Variants in PLB1 observed in about 807,000 individuals in gnomAD.
The protein encoded by PLB1 is phospholipase B1.
In PLB1, 242 loss-of-function variants were observed where a neutral mutation model predicts 227.4. The observed-to-expected ratio is 1.06, with a 90% confidence interval of 0.96 to 1.18. The LOEUF is 1.18. PLB1 is among the 50% of genes most tolerant of loss of function. The probability of loss-of-function intolerance (pLI) is 0.00; values close to 1 mark genes in which losing one functional copy is unlikely to be tolerated. For missense variants in PLB1, 1,858 were observed against 1,816.3 expected, an observed-to-expected ratio of 1.02 and a Z score of -0.42; for synonymous variants, 757 against 682.2, an observed-to-expected ratio of 1.11 and a Z score of -1.71.
chr2:28,582,544 T>C lies in PLB1; in HGVS notation c.1733+39T>C, dbSNP rs771908164. On this transcript the variant is annotated intron_variant, in intron 25 of 57. Transcript: ENST00000327757. ...TTCTCCCCGATTCTACTAAGAATCCTCACTGCTAAGGGCAGTGGCACCCTT... is the reference window on the plus strand; with the variant it reads ...TTCTCCCCGATTCTACTAAGAATCCCCACTGCTAAGGGCAGTGGCACCCTT... The C allele has an allele frequency of 6.8e-6, 10 of 1,470,816 alleles. No individual in the cohort carries two copies. In the African/African-American group the frequency reaches 1.1e-4, roughly 16 times the overall value. 91.1% of individuals were successfully genotyped at this position (1,470,816 alleles called of 1,614,324 possible). A position where few individuals can be genotyped will look rare whatever the true frequency, so the allele number is the denominator to read the frequency against.
chr2:28,573,580 T>C (rs1055979454), intron 21 of PLB1, among the ~76,000 whole-genome samples: 3 of 152,202 alleles, frequency 2.0e-5, no homozygotes, highest in East Asian at 1.9e-4. Context: ...ACTTAAGACA[T>C]AGGTTATAAG....
At chr2:28,572,993 A>G (rs907669427) in intron 20 of PLB1, among the ~76,000 whole-genome samples, 9 of 152,218 alleles carry the variant, frequency 5.9e-5, no homozygotes, top group African/African-American at 1.9e-4. Flanking sequence ...TTCTTCAACA[A>G]TAATTGAAAC....
At chr2:28,640,479 C>G (rs1689842870) in intron 56 of PLB1, among the ~76,000 whole-genome samples, 1 of 152,152 alleles carries the variant, frequency 6.6e-6, no homozygotes, top group Non-Finnish European at 1.5e-5. Flanking sequence ...AATATGTTTC[C>G]AAACTTTCCT....
chr2:28,512,154 C>T (rs1668357655), intron 1 of PLB1, among the ~76,000 whole-genome samples: 1 of 143,822 alleles, frequency 7.0e-6, no homozygotes, highest in South Asian at 2.2e-4. Context: ...TGACACTGTC[C>T]ACAGATCTCT....
At chr2:28,573,873 C>T (rs1678443133) in intron 21 of PLB1, among the ~76,000 whole-genome samples, 1 of 152,348 alleles carries the variant, frequency 6.6e-6, no homozygotes, top group East Asian at 1.9e-4. Context: ...TTCTGGTGAG[C>T]TGTAAATAGT....
intron 33 of PLB1, chr2:28,595,284 A>C (rs1464708182): frequency 2.6e-5 from 4 of 152,124 alleles, no homozygotes; most frequent in Non-Finnish European, 4.4e-5. Context: ...GTCCCTTTAA[A>C]CCCTTCATTT....
chr2:28,598,182 G>A, intron 34 of PLB1, 134 bp downstream of exon 34: 1 of 754,044 alleles, frequency 1.3e-6, no homozygotes, highest in Non-Finnish European at 2.2e-6. Context: ...GAGACAGGAG[G>A]CTATGAAAAA....
chr2:28,576,866 C>T (rs2148261761), intron 21 of PLB1, among the ~76,000 whole-genome samples: 1 of 152,284 alleles, frequency 6.6e-6, no homozygotes, highest in Non-Finnish European at 1.5e-5. Flanking sequence ...CCCGAAGTTC[C>T]CATCCAGGTA....
At chr2:28,609,804 T>C (rs1457846643) in intron 43 of PLB1, among the ~76,000 whole-genome samples, 2 of 152,210 alleles carry the variant, frequency 1.3e-5, no homozygotes, top group Non-Finnish European at 2.9e-5. Flanking sequence ...AGGGACCCTA[T>C]CTAATCGGAT....
intron 14 of PLB1, among the ~76,000 whole-genome samples, chr2:28,544,267 G>C (rs1019172562): frequency 6.6e-6 from 1 of 152,188 alleles, no homozygotes; most frequent in African/African-American, 2.4e-5. Flanking sequence ...TGGCACTTGC[G>C]GGGACTATGT....
intron 26 of PLB1, among the ~76,000 whole-genome samples, chr2:28,588,763 C>T (rs547493930): frequency 6.6e-6 from 1 of 152,290 alleles, no homozygotes. Context: ...TTTTGATTCA[C>T]CTTTGATTTT....
intron 1 of PLB1, among the ~76,000 whole-genome samples, chr2:28,506,779 C>T (rs139468286): frequency 7.2e-5 from 11 of 152,286 alleles, no homozygotes; most frequent in African/African-American, 2.6e-4. Context: ...AGAGGCACCA[C>T]CTTGGTGAAC....
chr2:28,500,624 T>TC (rs1023647200), intron 1 of PLB1, among the ~76,000 whole-genome samples: 1 of 152,032 alleles, frequency 6.6e-6, no homozygotes, highest in Middle Eastern at 3.4e-3. Context: ...TTAACTGAAC[T>TC]CCCCCCTCCT....
Position 28,643,017 on chromosome 2 carries a change from C to A in PLB1, c.4333C>A (p.Arg1445=). ...GGTCTGGAGGTGCAGGAGAGGTGGC[C>A]GGAGGGAAGATCCTCCAATGAGCCT... is the stretch of plus-strand genomic sequence containing the variant. ...TVVWRCRRGG[R]REDPPMSLRT... is the part of the protein sequence containing the mutation. Residue 1445 remains arginine, a synonymous_variant, in exon 58 of 58, where the codon CGG becomes AGG. Coordinates refer to ENST00000327757, the MANE Select transcript of PLB1 (RefSeq NM_153021.5). 3 of 1,610,478 alleles carry A rather than the reference C, an allele frequency of 1.9e-6. No individual in the cohort carries two copies. Among genetic ancestry groups the A allele is most frequent in the East Asian group, 2.2e-5 (1 of 44,746 alleles).
At chr2:28,613,937 A>G in intron 43 of PLB1, 94 bp from the exon 44 acceptor site, 1 of 1,001,362 alleles carries the variant, frequency 1.0e-6, no homozygotes, top group Non-Finnish European at 1.6e-6. Context: ...ATCATGTTAA[A>G]TAAATCTACA....
chr2:28,561,070 G>GC (rs1675987748), intron 17 of PLB1, among the ~76,000 whole-genome samples: 1 of 152,184 alleles, frequency 6.6e-6, no homozygotes, highest in African/African-American at 2.4e-5. Flanking sequence ...CCCTCCTCAG[G>GC]CCCCCCAGGG....
chr2:28,519,795 CAG>C (rs1669275641), intron 4 of PLB1, 32 bp downstream of exon 4: 3 of 1,576,284 alleles, frequency 1.9e-6, no homozygotes, highest in African/African-American at 1.3e-5. Flanking sequence ...GGGCAGGAGA[CAG>C]AGTTTGGTAC....
chr2:28,564,069 A>G (rs1003122367), intron 18 of PLB1, among the ~76,000 whole-genome samples: 1 of 152,082 alleles, frequency 6.6e-6, no homozygotes, highest in Non-Finnish European at 1.5e-5. Context: ...GCAAGACCCA[A>G]TCTCTACAAA....
At chr2:28,638,637 G>T (rs1231940530) in intron 56 of PLB1, among the ~76,000 whole-genome samples, 1 of 151,818 alleles carries the variant, frequency 6.6e-6, no homozygotes, top group African/African-American at 2.4e-5. Context: ...GAGGAACAAA[G>T]GATGACTTTT....
Sources: gnomAD v4.1 joint callset for allele counts (sites outside exome capture counted in the v4.1 genomes callset) on GRCh38, gnomAD v4.1.1 for gene constraint, MANE v1.5 for transcripts, NCBI Gene and HGNC (gene_info 2026-07-23, HGNC 2026-07-21) for gene names.